Variants in LUZP2 observed in about 807,000 individuals in gnomAD.
LUZP2 encodes leucine zipper protein 2.
A neutral mutation model predicts 51.6 loss-of-function variants in LUZP2; 52 were observed. That is an observed-to-expected ratio of 1.01 (90% CI 0.81 to 1.27). The LOEUF is 1.27. Among genes scored for constraint, LUZP2 ranks in the 50% most tolerant of loss-of-function variants. LUZP2 has a pLI of 0.00. For synonymous variants in LUZP2, 154 were observed against 137.3 expected (o/e 1.12, Z -0.85); for missense variants, 436 against 395.4 (o/e 1.10, Z -0.87).
chr11:24,672,365 A>T (rs1236084180), intron 1 of LUZP2, among the ~76,000 whole-genome samples: 1 of 152,162 alleles, frequency 6.6e-6, no homozygotes, highest in Non-Finnish European at 1.5e-5. Flanking sequence ...TTATTTTGGG[A>T]AAGCCACAAT....
At chr11:24,901,097 G>T (rs180918177) in intron 5 of LUZP2, among the ~76,000 whole-genome samples, 1 of 152,092 alleles carries the variant, frequency 6.6e-6, no homozygotes, top group African/African-American at 2.4e-5. Flanking sequence ...AAGAGCAACT[G>T]CAGGGATTTC....
At chr11:24,781,640 C>A (rs545811818) in intron 5 of LUZP2, among the ~76,000 whole-genome samples, 34 of 151,944 alleles carry the variant, frequency 2.2e-4, no homozygotes, top group African/African-American at 7.5e-4. Flanking sequence ...GACCTCATAA[C>A]ACATCATGGT....
chr11:24,694,559 T>C (rs1857183534), intron 1 of LUZP2, among the ~76,000 whole-genome samples: 1 of 152,036 alleles, frequency 6.6e-6, no homozygotes, highest in Admixed American at 6.6e-5. Context: ...GACCCAGCAA[T>C]CCCATTACTG....
intron 7 of LUZP2, among the ~76,000 whole-genome samples, chr11:24,917,738 C>G (rs1413266654): frequency 6.6e-6 from 1 of 152,038 alleles, no homozygotes; most frequent in Non-Finnish European, 1.5e-5. Flanking sequence ...GTTACTGTAG[C>G]CTTGTAGTAT....
At chr11:24,958,995 C>T (rs1329527696) in intron 7 of LUZP2, among the ~76,000 whole-genome samples, 4 of 152,158 alleles carry the variant, frequency 2.6e-5, no homozygotes, top group Non-Finnish European at 5.9e-5. Context: ...TTCCCAGCAC[C>T]ATTTATTAAA....
intron 4 of LUZP2, among the ~76,000 whole-genome samples, chr11:24,757,106 G>A (rs1859803860): frequency 6.6e-6 from 1 of 152,184 alleles, no homozygotes; most frequent in Non-Finnish European, 1.5e-5. Context: ...CTTAGCTCAG[G>A]AGGGCCTGAG....
chr11:24,887,023 G>A (rs1852687559), intron 5 of LUZP2, among the ~76,000 whole-genome samples: 1 of 152,092 alleles, frequency 6.6e-6, no homozygotes, highest in Non-Finnish European at 1.5e-5. Context: ...CTGTGACCAG[G>A]GGTTTCCTCC....
At chr11:24,748,822 A>G (rs1358528201) in intron 4 of LUZP2, among the ~76,000 whole-genome samples, 2 of 152,192 alleles carry the variant, frequency 1.3e-5, no homozygotes, top group Non-Finnish European at 2.9e-5. Flanking sequence ...ATCTATAAAT[A>G]TACACACATA....
chr11:24,649,161 G>T (rs750136497), intron 1 of LUZP2, among the ~76,000 whole-genome samples: 8 of 151,868 alleles, frequency 5.3e-5, no homozygotes, highest in Non-Finnish European at 1.2e-4. Flanking sequence ...CATTTTTTGG[G>T]CCTTACTCTC....
At chr11:24,525,407 T>C (rs1026586769) in intron 1 of LUZP2, among the ~76,000 whole-genome samples, 1 of 151,574 alleles carries the variant, frequency 6.6e-6, no homozygotes, top group Non-Finnish European at 1.5e-5. Flanking sequence ...CATGTTTTTT[T>C]GCAGGCATGA....
Position 24,660,666 on chromosome 11 carries a change from T to C in LUZP2, c.63-68503T>C, listed in dbSNP as rs554627466. ...ATTTTTAGAAAGACTTTGTGCAAAC[T>C]GTCAGAAAATGCATTCACCGTAATC... On this transcript the variant is annotated intron_variant, in intron 1 of 11. Transcript: ENST00000336930. 2.6e-5 allele frequency among the ~76,000 whole-genome samples: 4 copies of C among 152,276 alleles called. No individual in the cohort carries two copies. The South Asian group carries it at 8.3e-4, about 32-fold the overall frequency.
Position 25,078,526 on chromosome 11 carries a change from G to T in LUZP2, c.937-28G>T, listed in dbSNP as rs7358379. 9.7e-3 allele frequency: 15,039 copies of T among 1,547,914 alleles called. 992 individuals carry two copies. The African/African-American group carries it at 0.16, about 17-fold the overall frequency. On this transcript the variant is annotated intron_variant, in intron 11 of 11. Transcript: ENST00000336930. The stretch of plus-strand genomic sequence containing the variant: ...TTAAAATGTGTTATTTTGATTCTTC[G>T]AATTGTCTTTTCTGTATTGTTTAAC...
At chr11:24,961,052 C>T (rs577698336) in intron 7 of LUZP2, among the ~76,000 whole-genome samples, 253 of 152,056 alleles carry the variant, frequency 1.7e-3, no homozygotes, top group African/African-American at 4.9e-3. Flanking sequence ...TGTAGTTGAG[C>T]GGTTTTGAGT....
intron 1 of LUZP2, among the ~76,000 whole-genome samples, chr11:24,676,448 G>A (rs550128815): frequency 6.6e-6 from 1 of 152,160 alleles, no homozygotes; most frequent in East Asian, 1.9e-4. Context: ...TCCAATAAAA[G>A]CTGTTTAACA....
Position 24,968,652 on chromosome 11 carries a change from C to T in LUZP2, c.523-7939C>T, listed in dbSNP as rs540449045. 2.0e-5 allele frequency among the ~76,000 whole-genome samples: 3 copies of T among 152,272 alleles called. No homozygotes were observed. The South Asian group carries it at 6.2e-4, about 32-fold the overall frequency. On this transcript the variant is annotated intron_variant, in intron 7 of 11. Coordinates refer to ENST00000336930, the MANE Select transcript of LUZP2 (RefSeq NM_001009909.4). ...TCAGCCAAGGATGTACAGGAACACTCCTGTTACCCAAGCTGATTTTTGGGA... is the reference window on the plus strand; with the variant it reads ...TCAGCCAAGGATGTACAGGAACACTTCTGTTACCCAAGCTGATTTTTGGGA...
intron 7 of LUZP2, among the ~76,000 whole-genome samples, chr11:24,918,793 A>C (rs890171379): frequency 6.8e-6 from 1 of 147,126 alleles, no homozygotes; most frequent in Admixed American, 7.0e-5. Context: ...TGTATGAATT[A>C]TATCTGCCTG....
intron 7 of LUZP2, among the ~76,000 whole-genome samples, chr11:24,948,275 TA>T (rs1854954586): frequency 6.6e-6 from 1 of 151,766 alleles, no homozygotes; most frequent in Admixed American, 6.6e-5. Flanking sequence ...TCCTTTTCAG[TA>T]ATGACAACTT....
At chr11:24,650,735 A>C (rs1312417742) in intron 1 of LUZP2, among the ~76,000 whole-genome samples, 1 of 152,078 alleles carries the variant, frequency 6.6e-6, no homozygotes, top group African/African-American at 2.4e-5. Flanking sequence ...TATTGAAGTA[A>C]AATAACCTGA....
intron 7 of LUZP2, among the ~76,000 whole-genome samples, chr11:24,958,529 T>G (rs1338062301): frequency 6.6e-6 from 1 of 151,752 alleles, no homozygotes; most frequent in Non-Finnish European, 1.5e-5. Context: ...TTTCATGTGT[T>G]TTTTGGCTGC....
Sources: gnomAD v4.1 joint callset for allele counts (sites outside exome capture counted in the v4.1 genomes callset) on GRCh38, gnomAD v4.1.1 for gene constraint, MANE v1.5 for transcripts, NCBI Gene and HGNC (gene_info 2026-07-23, HGNC 2026-07-21) for gene names.